The following RRAS2 variants were observed in gnomAD, a reference collection of about 807,000 sequenced individuals.
RRAS2 encodes the protein ras-related protein R-Ras2.
Under a neutral mutation model 27.6 loss-of-function variants are expected in RRAS2, and 7 were observed. The ratio of observed to expected loss-of-function variants is 0.25; its 90% CI spans 0.14 to 0.48. The LOEUF is 0.48. Among genes scored for constraint, RRAS2 ranks in the 20% least tolerant of loss-of-function variants. The pLI, the probability that RRAS2 is intolerant of heterozygous loss-of-function variation, is 0.99. For missense variants in RRAS2, 178 were observed against 256.2 expected (o/e 0.69, Z 2.08); for synonymous variants, 86 against 90.9 (o/e 0.95, Z 0.31).
chr11:14,281,559 T>G, intron 5 of RRAS2, 43 bp downstream of exon 5: 1 of 1,448,678 alleles, frequency 6.9e-7, no homozygotes, highest in Non-Finnish European at 9.4e-7. Flanking sequence ...AAACATTTAA[T>G]AGTAATTTAT....
chr11:14,313,141 CATTT>C (rs1848014654), intron 1 of RRAS2, among the ~76,000 whole-genome samples: 1 of 152,280 alleles, frequency 6.6e-6, no homozygotes, highest in South Asian at 2.1e-4. Flanking sequence ...GAACTATAAA[CATTT>C]ATCTTATAAA....
At chr11:14,309,437 G>A (rs1847908593) in intron 1 of RRAS2, among the ~76,000 whole-genome samples, 1 of 152,182 alleles carries the variant, frequency 6.6e-6, no homozygotes, top group African/African-American at 2.4e-5. Flanking sequence ...AGGGCTGGCA[G>A]TTTCTTGAAG....
chr11:14,354,672 C>CTT (rs35556947), intron 1 of RRAS2, among the ~76,000 whole-genome samples: 2,440 of 110,366 alleles, frequency 0.022, 113 homozygotes, highest in African/African-American at 0.042. Context: ...GTAACAATTT[C>CTT]TTTTTTTTTT....
At chr11:14,285,809 TTA>T (rs1184522019) in intron 4 of RRAS2, among the ~76,000 whole-genome samples, 3 of 152,242 alleles carry the variant, frequency 2.0e-5, no homozygotes, top group Non-Finnish European at 2.9e-5. Context: ...CCTGCCATCC[TTA>T]TCTTTGTTCT....
chr11:14,357,048 A>C (rs1554955546), intron 1 of RRAS2, among the ~76,000 whole-genome samples: 1 of 151,966 alleles, frequency 6.6e-6, no homozygotes, highest in East Asian at 1.9e-4. Context: ...GGCCTCCCAA[A>C]GTGCTGGGAT....
chr11:14,302,073 T>TACACACATACACACACAC (rs1554947496), intron 1 of RRAS2, among the ~76,000 whole-genome samples: 1 of 142,362 alleles, frequency 7.0e-6, no homozygotes, highest in Non-Finnish European at 1.5e-5. Flanking sequence ...ACCACACACA[T>TACACACATACACACACAC]ACACACACAC....
intron 4 of RRAS2, among the ~76,000 whole-genome samples, chr11:14,291,964 C>CA (rs1554945849): frequency 6.6e-6 from 1 of 152,166 alleles, no homozygotes; most frequent in East Asian, 1.9e-4. Flanking sequence ...TTTTTATATA[C>CA]ACTTTACACA....
intron 1 of RRAS2, 93 bp from the exon 2 acceptor site, chr11:14,295,948 G>T: frequency 1.6e-5 from 16 of 1,031,492 alleles, no homozygotes; most frequent in Admixed American, 1.2e-4. Context: ...CGAGGGAGAA[G>T]GATCACTTGA....
intron 1 of RRAS2, among the ~76,000 whole-genome samples, chr11:14,345,040 T>C (rs1554953905): frequency 7.1e-6 from 1 of 139,918 alleles, no homozygotes; most frequent in African/African-American, 2.6e-5. Flanking sequence ...CAGACTGGAG[T>C]GCAGTGGTGT....
At chr11:14,307,949 A>G (rs1208460519) in intron 1 of RRAS2, among the ~76,000 whole-genome samples, 1 of 152,230 alleles carries the variant, frequency 6.6e-6, no homozygotes, top group Non-Finnish European at 1.5e-5. Context: ...TGATATGTAC[A>G]AGGTTGTTCA....
chr11:14,314,879 G>A (rs1187875610), intron 1 of RRAS2, among the ~76,000 whole-genome samples: 1 of 152,068 alleles, frequency 6.6e-6, no homozygotes, highest in African/African-American at 2.4e-5. Context: ...AGTAGACCAG[G>A]TTTCACCATG....
intron 5 of RRAS2, 36 bp downstream of exon 5, chr11:14,281,566 T>G (rs1554944306): frequency 6.8e-7 from 1 of 1,475,752 alleles, no homozygotes; most frequent in African/African-American, 1.4e-5. Context: ...TAATAGTAAT[T>G]TATTAAAACA....
intron 1 of RRAS2, among the ~76,000 whole-genome samples, chr11:14,334,407 AT>A (rs1246056117): frequency 1.3e-5 from 2 of 152,098 alleles, no homozygotes; most frequent in East Asian, 3.8e-4. Flanking sequence ...CAGCAAATTT[AT>A]TTTAAAAATG....
Position 14,278,651 on chromosome 11 carries a change from A to C in RRAS2, c.*686T>G, listed in dbSNP as rs1849438338. The C allele has an allele frequency of 6.6e-6, 1 of 152,254 alleles. No homozygotes were observed. The highest frequency in any genetic ancestry group is 1.5e-5 in the Non-Finnish European group (1 of 68,040). 9.4% of individuals were successfully genotyped at this position (152,254 alleles called of 1,614,324 possible). On this transcript the variant is annotated 3_prime_UTR_variant, in exon 6 of 6. Coordinates refer to ENST00000256196, the MANE Select transcript of RRAS2 (RefSeq NM_012250.6). ...GTGGCTGTGAAAAAGAGTTAAATTA[A>C]AAAATCAAGTACACTGAAATATCTA... is the stretch of plus-strand genomic sequence containing the variant.
intron 1 of RRAS2, among the ~76,000 whole-genome samples, chr11:14,322,452 AAC>A (rs1491015519): frequency 3.9e-5 from 6 of 152,112 alleles, no homozygotes; most frequent in Admixed American, 6.6e-5. Context: ...CAAAAAAAAA[AAC>A]ACAAAGAAAT....
intron 1 of RRAS2, among the ~76,000 whole-genome samples, chr11:14,352,760 G>T (rs59108289): frequency 0.12 from 17,569 of 144,598 alleles, 1,158 homozygotes; most frequent in African/African-American, 0.18. Context: ...TATATATAGA[G>T]AGAGAGAGAG....
chr11:14,358,802 GC>G lies in RRAS2; in HGVS notation c.68del (p.Gly23AlafsTer18). The G allele has an allele frequency of 1.2e-5, 18 of 1,486,604 alleles. No individual in the cohort carries two copies. The highest frequency in any genetic ancestry group is 8.7e-5 in the East Asian group (3 of 34,426). 92.1% of individuals were successfully genotyped at this position (1,486,604 alleles called of 1,614,324 possible). ...TGGTGAGCGCCGACTTGCCCACGCC[GC>G]CCCCGCCGACCACCACGAGCCGGTA... ...EKYRLVVVGG[G>X]GVGKSALTIQ... is the part of the protein sequence containing the mutation. On this transcript the variant is annotated frameshift_variant, in exon 1 of 6. Coordinates refer to ENST00000256196, the MANE Select transcript of RRAS2 (RefSeq NM_012250.6). LOFTEE classifies it high-confidence loss of function. This position sits in a 1 kb window ranked among gnomAD's most constrained non-coding sequence, Gnocchi z 5.1.
chr11:14,301,800 G>A (rs1438558779), intron 1 of RRAS2, among the ~76,000 whole-genome samples: 1 of 152,020 alleles, frequency 6.6e-6, no homozygotes, highest in Non-Finnish European at 1.5e-5. Flanking sequence ...CCAACATGGT[G>A]AAACCCCGTG....
chr11:14,362,463 A>T (rs1554956252), upstream of RRAS2, among the ~76,000 whole-genome samples: 1 of 147,148 alleles, frequency 6.8e-6, no homozygotes, highest in African/African-American at 2.7e-5. Context: ...CCCCAAAAGC[A>T]TACAGCAGAA....
Sources: allele counts gnomAD v4.1 joint callset (sites outside exome capture counted in the v4.1 genomes callset), GRCh38; gene constraint gnomAD v4.1.1; non-coding constraint Gnocchi (gnomAD v3.1); transcripts MANE v1.5; gene names NCBI Gene and HGNC (gene_info 2026-07-23, HGNC 2026-07-21).